Variants in RAB39A observed in about 807,000 individuals in gnomAD.
RAB39A encodes the protein RAB39A, member RAS oncogene family.
Under a neutral mutation model 20.9 loss-of-function variants are expected in RAB39A, and 17 were observed. The observed-to-expected ratio is 0.81, with a 90% confidence interval of 0.56 to 1.22. The LOEUF (loss-of-function observed/expected upper bound fraction) is 1.22, where lower values mean the gene tolerates loss of function less well. Ranked by LOEUF, RAB39A falls within the 50% of genes most tolerant of loss-of-function variation. RAB39A has a pLI of 0.00. For missense variants in RAB39A, 234 were observed against 270.5 expected (o/e 0.87, Z 0.95); for synonymous variants, 99 against 103.4 (o/e 0.96, Z 0.26).
chr11:107,956,668 A>C (rs1861439798), intron 1 of RAB39A, among the ~76,000 whole-genome samples: 2 of 152,346 alleles, frequency 1.3e-5, no homozygotes, highest in Non-Finnish European at 1.5e-5. Context: ...TGTTATTAGC[A>C]GTATTCCTCA....
rs960192468 is a variant in RAB39A at position 107,962,551 on chromosome 11, G to T, written c.*179G>T. ...GCTTACTTGTTACACTACTAGATTG[G>T]GTATTTTGCTAAATTACCAAGCAAA... is the stretch of plus-strand genomic sequence containing the variant. On this transcript the variant is annotated 3_prime_UTR_variant, in exon 2 of 2. Coordinates refer to ENST00000320578, the MANE Select transcript of RAB39A (RefSeq NM_017516.3). 1.7e-5 allele frequency: 9 copies of T among 532,356 alleles called. No individual in the cohort carries two copies. The highest frequency in any genetic ancestry group is 1.3e-4 in the East Asian group (4 of 31,932). 33.0% of individuals were successfully genotyped at this position (532,356 alleles called of 1,614,324 possible). A position where few individuals can be genotyped will look rare whatever the true frequency, so the allele number is the denominator to read the frequency against.
At chr11:107,934,998 G>T (rs907708911) in intron 1 of RAB39A, among the ~76,000 whole-genome samples, 2 of 150,394 alleles carry the variant, frequency 1.3e-5, no homozygotes, top group Non-Finnish European at 3.0e-5. Context: ...TCTGGGAGCA[G>T]CCCCTAACTA....
At chr11:107,947,266 T>C (rs1415618910) in intron 1 of RAB39A, among the ~76,000 whole-genome samples, 1 of 151,942 alleles carries the variant, frequency 6.6e-6, no homozygotes, top group Non-Finnish European at 1.5e-5. Context: ...CACGCCCGGC[T>C]AATTTTGTTT....
chr11:107,952,493 A>G (rs556291150), intron 1 of RAB39A, among the ~76,000 whole-genome samples: 2 of 152,222 alleles, frequency 1.3e-5, no homozygotes, highest in South Asian at 2.1e-4. Context: ...AGGCAGGAGG[A>G]TCACTTGAAC....
intron 1 of RAB39A, among the ~76,000 whole-genome samples, chr11:107,953,191 G>GT (rs1023930674): frequency 2.0e-5 from 3 of 149,146 alleles, no homozygotes; most frequent in Non-Finnish European, 3.0e-5. Context: ...CTTCACTGCA[G>GT]TTTTTTTTAA....
At chr11:107,942,924 C>T (rs1861274190) in intron 1 of RAB39A, among the ~76,000 whole-genome samples, 1 of 152,144 alleles carries the variant, frequency 6.6e-6, no homozygotes, top group Admixed American at 6.5e-5. Flanking sequence ...ATTATGTTCA[C>T]CCAAACCACT....
chr11:107,946,410 G>A (rs1861312633), intron 1 of RAB39A, among the ~76,000 whole-genome samples: 2 of 11,278 alleles, frequency 1.8e-4, no homozygotes, highest in Non-Finnish European at 3.9e-4. Context: ...GTGTGTGTGT[G>A]TGTGTGTGTG....
intron 1 of RAB39A, among the ~76,000 whole-genome samples, chr11:107,960,981 G>A (rs1021801131): frequency 2.6e-5 from 4 of 152,202 alleles, no homozygotes; most frequent in African/African-American, 9.7e-5. Flanking sequence ...CAGGCCTAGA[G>A]AAGGATGGAG....
chr11:107,962,380 C>T lies in RAB39A; in HGVS notation c.*8C>T, dbSNP rs372299006. On this transcript the variant is annotated 3_prime_UTR_variant, in exon 2 of 2. Coordinates refer to ENST00000320578, the MANE Select transcript of RAB39A (RefSeq NM_017516.3). Reference sequence around the variant, plus strand: ...AAAGAATGCTTCTGCTGACTTCAAACATGCTGAAGAACTAACAGGAACAGA... The same window carrying T: ...AAAGAATGCTTCTGCTGACTTCAAATATGCTGAAGAACTAACAGGAACAGA... The T allele has an allele frequency of 1.3e-6, 2 of 1,586,964 alleles. No individual in the cohort carries two copies. Among genetic ancestry groups the T allele is most frequent in the Non-Finnish European group, 1.7e-6 (2 of 1,162,876 alleles).
rs1299912988 is a variant in RAB39A, at chr11:107,928,487, G to C, written c.-82G>C. The C allele has an allele frequency of 9.2e-7, 1 of 1,085,804 alleles. No individual in the cohort carries two copies. Among genetic ancestry groups the C allele is most frequent in the East Asian group, 3.1e-5 (1 of 31,896 alleles). The allele number at this position is 1,085,804 out of a possible 1,614,324, so 67.3% of individuals were successfully genotyped here. The stretch of plus-strand genomic sequence containing the variant: ...GCTGGAAGGCGGCGGGCGGGCGCCC[G>C]CGAGGTGCTGAAAGGACAGTTCCCG... On this transcript the variant is annotated 5_prime_UTR_variant, in exon 1 of 2. Transcript: ENST00000320578. The surrounding 1 kb of genome is among the most constrained non-coding windows in gnomAD (Gnocchi z 4.9).
At chr11:107,930,645 C>T (rs974682405) in intron 1 of RAB39A, among the ~76,000 whole-genome samples, 3 of 152,042 alleles carry the variant, frequency 2.0e-5, no homozygotes, top group African/African-American at 7.2e-5. Context: ...ATCACAAGGT[C>T]AAGAGTTCAA....
chr11:107,946,502 T>C (rs1422133421), intron 1 of RAB39A, among the ~76,000 whole-genome samples: 1 of 117,318 alleles, frequency 8.5e-6, no homozygotes, highest in African/African-American at 3.3e-5. Context: ...AGACAGAGTC[T>C]CGCTCTGTTG....
chr11:107,928,654 C>T lies in RAB39A; in HGVS notation c.86C>T (p.Thr29Ile). The change falls in exon 1 of 2, where the codon ACC becomes ATC. Residue 29 changes from threonine to isoleucine, a missense_variant. Physicochemically the swap from Thr to Ile is moderately conservative, Grantham distance 89. Coordinates refer to ENST00000320578, the MANE Select transcript of RAB39A (RefSeq NM_017516.3). The surrounding 1 kb of genome is among the most constrained non-coding windows in gnomAD (Gnocchi z 4.9). ...VGKSCLLHRF[T>I]QGRFPGLRSP... is the part of the protein sequence containing the mutation. ...AAGTCCTGCCTCCTGCACCGCTTCA[C>T]CCAGGGCCGCTTCCCCGGGCTGCGC... The T allele has an allele frequency of 1.2e-6, 2 of 1,612,814 alleles. No homozygotes were observed. The highest frequency in any genetic ancestry group is 1.7e-6 in the Non-Finnish European group (2 of 1,179,182).
At chr11:107,929,230 C>T (rs1034864018) in intron 1 of RAB39A, among the ~76,000 whole-genome samples, 43 of 152,210 alleles carry the variant, frequency 2.8e-4, no homozygotes, top group Non-Finnish European at 5.1e-4. Flanking sequence ...GCGGCTCCCA[C>T]GCTGTGTGGC....
chr11:107,957,576 T>A (rs1332407912), intron 1 of RAB39A, among the ~76,000 whole-genome samples: 2 of 152,224 alleles, frequency 1.3e-5, no homozygotes, highest in African/African-American at 2.4e-5. Flanking sequence ...CTTTCTTTTA[T>A]AATTAAAACC....
At chr11:107,953,346 T>G (rs1262546440) in intron 1 of RAB39A, among the ~76,000 whole-genome samples, 1 of 152,180 alleles carries the variant, frequency 6.6e-6, no homozygotes, top group African/African-American at 2.4e-5. Flanking sequence ...CTTGAGAACC[T>G]TATTCAAAAA....
chr11:107,955,668 A>G (rs921777965), intron 1 of RAB39A, among the ~76,000 whole-genome samples: 1 of 152,142 alleles, frequency 6.6e-6, no homozygotes, highest in Non-Finnish European at 1.5e-5. Context: ...GAGAAATCCC[A>G]TCTCTACTAA....
intron 1 of RAB39A, among the ~76,000 whole-genome samples, chr11:107,947,690 A>G (rs1015970099): frequency 2.6e-5 from 4 of 151,748 alleles, no homozygotes; most frequent in African/African-American, 9.7e-5. Context: ...AGGACACATT[A>G]TAAAAAAGAT....
chr11:107,945,307 C>A (rs1454753438), intron 1 of RAB39A, among the ~76,000 whole-genome samples: 1 of 87,494 alleles, frequency 1.1e-5, no homozygotes, highest in African/African-American at 4.5e-5. Context: ...CACAGCAAAA[C>A]CCCGTCTCTA....
Sources: gnomAD v4.1 joint callset for allele counts (sites outside exome capture counted in the v4.1 genomes callset) on GRCh38, gnomAD v4.1.1 for gene constraint, Gnocchi (gnomAD v3.1) non-coding constraint, MANE v1.5 for transcripts, NCBI Gene and HGNC (gene_info 2026-07-23, HGNC 2026-07-21) for gene names.